ANKRD62: variants seen among roughly 807,000 people sequenced by gnomAD.
The protein encoded by ANKRD62 is ankyrin repeat domain-containing protein 62.
In ANKRD62, 61 loss-of-function variants were observed where a neutral mutation model predicts 98.8. The observed-to-expected ratio is 0.62, with a 90% CI of 0.50 to 0.76. The LOEUF (loss-of-function observed/expected upper bound fraction) is 0.76, where lower values mean the gene tolerates loss of function less well. Ranked by LOEUF, ANKRD62 falls within the 30% of genes least tolerant of loss-of-function variation. The pLI, the probability that ANKRD62 is intolerant of heterozygous loss-of-function variation, is 0.00. For missense variants in ANKRD62, 933 were observed against 1,082.9 expected (o/e 0.86, Z 1.94); for synonymous variants, 341 against 367.9 (o/e 0.93, Z 0.84).
At chr18:12,170,851 T>C in the ANKRD62 span, among the ~76,000 whole-genome samples, 1 of 152,248 alleles carries the variant, frequency 6.6e-6, no homozygotes, top group Non-Finnish European at 1.5e-5. Flanking sequence ...TAGTTAGCTC[T>C]TCTTGTTGAA....
At chr18:12,119,153 T>G (rs1421617228) in intron 10 of ANKRD62, among the ~76,000 whole-genome samples, 31 of 152,334 alleles carry the variant, frequency 2.0e-4, no homozygotes, top group African/African-American at 7.5e-4. Context: ...TTTATCTATT[T>G]TGTCATGTTT....
chr18:12,138,767 T>C, the ANKRD62 span, among the ~76,000 whole-genome samples: 3 of 152,238 alleles, frequency 2.0e-5, no homozygotes, highest in African/African-American at 7.2e-5. Context: ...TAGTTAGTTC[T>C]TGTTGTATTG....
At chr18:12,140,765 G>A in the ANKRD62 span, among the ~76,000 whole-genome samples, 1 of 152,114 alleles carries the variant, frequency 6.6e-6, no homozygotes, top group South Asian at 2.1e-4. Context: ...CTAGTTGGGG[G>A]TGCCTCCCAG....
chr18:12,100,856 C>A (rs1427949898), intron 6 of ANKRD62, among the ~76,000 whole-genome samples: 2 of 152,062 alleles, frequency 1.3e-5, no homozygotes, highest in African/African-American at 4.8e-5. Context: ...ACTCTGTTAC[C>A]ATTAGCTAAA....
chr18:12,100,979 A>G (rs960050845), intron 6 of ANKRD62, among the ~76,000 whole-genome samples: 1 of 152,214 alleles, frequency 6.6e-6, no homozygotes, highest in African/African-American at 2.4e-5. Flanking sequence ...AGTAGGACAC[A>G]TGCTGTGCCA....
At chr18:12,103,304 C>T in intron 7 of ANKRD62, 76 bp downstream of exon 7, 1 of 862,158 alleles carries the variant, frequency 1.2e-6, no homozygotes, top group Non-Finnish European at 1.6e-6. Flanking sequence ...TACTTTTGGA[C>T]TAGCCTTTTA....
chr18:12,107,643 A>G (rs1244103934), intron 8 of ANKRD62, among the ~76,000 whole-genome samples, 176 bp downstream of exon 8: 4 of 152,206 alleles, frequency 2.6e-5, no homozygotes, highest in Non-Finnish European at 5.9e-5. Flanking sequence ...CTTTCCAATC[A>G]TATTGATGTT....
chr18:12,165,012 C>A, the ANKRD62 span, among the ~76,000 whole-genome samples: 1 of 151,874 alleles, frequency 6.6e-6, no homozygotes. Context: ...GCTGAATTGA[C>A]CCCTTTATCA....
At chr18:12,158,386 C>T in the ANKRD62 span, among the ~76,000 whole-genome samples, 1 of 152,180 alleles carries the variant, frequency 6.6e-6, no homozygotes, top group African/African-American at 2.4e-5. Flanking sequence ...AAGGTATCTT[C>T]CTTTTGTCTC....
chr18:12,116,295 C>T (rs779693343), intron 10 of ANKRD62, among the ~76,000 whole-genome samples: 1 of 152,166 alleles, frequency 6.6e-6, no homozygotes, highest in Non-Finnish European at 1.5e-5. Flanking sequence ...TCCATCTGAT[C>T]AGCACAACAG....
chr18:12,096,559 G>T (rs1158944898), intron 4 of ANKRD62, among the ~76,000 whole-genome samples: 1 of 152,158 alleles, frequency 6.6e-6, no homozygotes, highest in Non-Finnish European at 1.5e-5. Context: ...TGAGTCATAT[G>T]ATCTTAACTA....
intron 10 of ANKRD62, among the ~76,000 whole-genome samples, chr18:12,118,157 G>A (rs747985854): frequency 4.6e-5 from 7 of 152,088 alleles, no homozygotes; most frequent in Admixed American, 1.3e-4. Context: ...ACATGTATGC[G>A]TGTCATATAC....
At chr18:12,102,664 C>T (rs896008695) in intron 6 of ANKRD62, 51 of 980,988 alleles carry the variant, frequency 5.2e-5, no homozygotes, top group Non-Finnish European at 5.9e-5. Context: ...TGAAATTTGT[C>T]AGAATAGTAG....
rs1220351041 is a variant in ANKRD62, at chr18:12,126,388, G to A, written c.2562+5G>A. ...AAAGAGAAAGAAGAAAGAGAAGTAAGTATCAAGAAAGATAAGTATTTTTCA... is the reference window on the plus strand; with the variant it reads ...AAAGAGAAAGAAGAAAGAGAAGTAAATATCAAGAAAGATAAGTATTTTTCA... On this transcript the variant is annotated splice_donor_5th_base_variant and intron_variant, in intron 13 of 13. Transcript: ENST00000587848. 11 of 1,499,854 alleles carry A rather than the reference G, an allele frequency of 7.3e-6. No individual in the cohort carries two copies. The highest frequency in any genetic ancestry group is 9.7e-6 in the Non-Finnish European group (11 of 1,131,866). The allele number at this position is 1,499,854 out of a possible 1,614,324, so 92.9% of individuals were successfully genotyped here. A position where few individuals can be genotyped will look rare whatever the true frequency, so the allele number is the denominator to read the frequency against.
the ANKRD62 span, among the ~76,000 whole-genome samples, chr18:12,169,393 G>A: frequency 6.6e-6 from 1 of 152,152 alleles, no homozygotes; most frequent in Non-Finnish European, 1.5e-5. Context: ...AGATAATCAT[G>A]TGGTTTTTGT....
intron 9 of ANKRD62, 31 bp from the exon 10 acceptor site, chr18:12,115,362 G>A (rs1202005641): frequency 1.3e-6 from 2 of 1,506,108 alleles, no homozygotes; most frequent in East Asian, 2.5e-5. Context: ...TATTTCGAGG[G>A]CATTTTGAAA....
intron 1 of ANKRD62, 32 bp from the exon 2 acceptor site, chr18:12,095,138 AC>A: frequency 6.7e-7 from 1 of 1,485,904 alleles, no homozygotes; most frequent in Non-Finnish European, 9.1e-7. Context: ...ACTGTGCACT[AC>A]AATTGCCTAA....
chr18:12,122,801 G>A (rs1410323966), intron 11 of ANKRD62, among the ~76,000 whole-genome samples: 4 of 151,880 alleles, frequency 2.6e-5, no homozygotes, highest in African/African-American at 9.7e-5. Flanking sequence ...TTAATTTTTT[G>A]TATTAATGCT....
intron 1 of ANKRD62, 104 bp from the exon 2 acceptor site, chr18:12,095,067 A>G: frequency 1.2e-6 from 1 of 842,470 alleles, no homozygotes; most frequent in Non-Finnish European, 1.9e-6. Flanking sequence ...TTTGTTCTGA[A>G]GGCAGAGGGA....
Sources: allele counts gnomAD v4.1 joint callset (sites outside exome capture counted in the v4.1 genomes callset), GRCh38; gene constraint gnomAD v4.1.1; transcripts MANE v1.5; gene names NCBI Gene and HGNC (gene_info 2026-07-23, HGNC 2026-07-21).